Variants in SLC10A7 observed in about 807,000 individuals in gnomAD.
SLC10A7 encodes the protein sodium/bile acid cotransporter 7.
In SLC10A7, 29 loss-of-function variants were observed where a neutral mutation model predicts 43.2. The observed-to-expected ratio is 0.67, with a 90% CI of 0.50 to 0.92. SLC10A7 has a LOEUF of 0.92. Among genes scored for constraint, SLC10A7 ranks in the 40% least tolerant of loss-of-function variants. SLC10A7 has a pLI of 0.00. For synonymous variants in SLC10A7, 152 were observed against 144.8 expected (o/e 1.05, Z -0.35); for missense variants, 295 against 403.2 (o/e 0.73, Z 2.30).
At chr4:146,448,311 G>A (rs1334868177) in intron 4 of SLC10A7, among the ~76,000 whole-genome samples, 2 of 152,090 alleles carry the variant, frequency 1.3e-5, no homozygotes, top group Non-Finnish European at 2.9e-5. Flanking sequence ...TTTCATTGCT[G>A]AAAGGCTCTA....
chr4:146,475,972 A>G (rs1404576706), intron 4 of SLC10A7, among the ~76,000 whole-genome samples: 1 of 152,204 alleles, frequency 6.6e-6, no homozygotes, highest in Non-Finnish European at 1.5e-5. Context: ...TTAAGCTGCT[A>G]AAGGTGTTTT....
intron 4 of SLC10A7, among the ~76,000 whole-genome samples, chr4:146,479,022 T>C (rs1207420356): frequency 6.6e-6 from 1 of 152,194 alleles, no homozygotes; most frequent in Non-Finnish European, 1.5e-5. Flanking sequence ...ACAAATAGAA[T>C]ATAAGCCAAG....
chr4:146,303,309 C>T (rs112699712), intron 7 of SLC10A7, among the ~76,000 whole-genome samples: 9,611 of 152,124 alleles, frequency 0.063, 394 homozygotes, highest in South Asian at 0.17. Context: ...GAGTCTGTTG[C>T]CCAGAGAACC....
intron 5 of SLC10A7, among the ~76,000 whole-genome samples, chr4:146,402,097 A>T (rs1290319218): frequency 6.6e-6 from 1 of 152,188 alleles, no homozygotes; most frequent in East Asian, 1.9e-4. Flanking sequence ...AGAAACCAAG[A>T]TCCAGCATGC....
At chr4:146,357,190 T>C (rs1735718317) in intron 5 of SLC10A7, among the ~76,000 whole-genome samples, 1 of 152,236 alleles carries the variant, frequency 6.6e-6, no homozygotes, top group Admixed American at 6.5e-5. Flanking sequence ...TGTATATTTC[T>C]GTATGTGCAT....
intron 10 of SLC10A7, among the ~76,000 whole-genome samples, chr4:146,281,755 A>G (rs1729571500): frequency 1.3e-5 from 2 of 152,200 alleles, no homozygotes; most frequent in Admixed American, 1.3e-4. Context: ...AGGAGACTCG[A>G]ACCTTGGGAG....
At chr4:146,328,328 C>T (rs370663402) in intron 5 of SLC10A7, among the ~76,000 whole-genome samples, 1 of 152,186 alleles carries the variant, frequency 6.6e-6, no homozygotes, top group African/African-American at 2.4e-5. Context: ...TCCTTATCAC[C>T]ACTGGTGCTT....
intron 5 of SLC10A7, among the ~76,000 whole-genome samples, chr4:146,342,810 A>G (rs572311167): frequency 1.3e-5 from 2 of 151,992 alleles, no homozygotes; most frequent in East Asian, 3.9e-4. Flanking sequence ...GACCTTCCAG[A>G]TAAACTAACA....
intron 4 of SLC10A7, among the ~76,000 whole-genome samples, chr4:146,463,518 AT>A (rs1449455250): frequency 6.6e-6 from 1 of 152,028 alleles, no homozygotes; most frequent in African/African-American, 2.4e-5. Context: ...AGGTAGGAGG[AT>A]TTTTTGAGGC....
At chr4:146,362,653 TACAAC>T (rs1736127375) in intron 5 of SLC10A7, among the ~76,000 whole-genome samples, 1 of 135,482 alleles carries the variant, frequency 7.4e-6, no homozygotes, top group Non-Finnish European at 1.7e-5. Context: ...AAATAATAAC[TACAAC>T]AATTTGATAA....
At chr4:146,452,366 T>G (rs1056181627) in intron 4 of SLC10A7, among the ~76,000 whole-genome samples, 3 of 152,084 alleles carry the variant, frequency 2.0e-5, no homozygotes, top group Non-Finnish European at 4.4e-5. Context: ...ATATTTATTT[T>G]CTCCCTAAGC....
intron 5 of SLC10A7, among the ~76,000 whole-genome samples, chr4:146,409,890 C>T (rs1216048935): frequency 1.3e-5 from 2 of 152,060 alleles, no homozygotes; most frequent in African/African-American, 4.8e-5. Context: ...TAAGTGATCA[C>T]AAAAAGTGAT....
chr4:146,479,396 C>G (rs1734275281), intron 4 of SLC10A7, among the ~76,000 whole-genome samples: 1 of 151,988 alleles, frequency 6.6e-6, no homozygotes, highest in African/African-American at 2.4e-5. Context: ...ATAATTAAAA[C>G]AGATGAAAAT....
chr4:146,416,501 G>A (rs768487950), intron 5 of SLC10A7, among the ~76,000 whole-genome samples: 1 of 152,184 alleles, frequency 6.6e-6, no homozygotes, highest in Admixed American at 6.5e-5. Flanking sequence ...GGATATCAAT[G>A]AGCCTCAGCC....
At chr4:146,428,501 A>G (rs1357842924) in intron 5 of SLC10A7, among the ~76,000 whole-genome samples, 1 of 151,918 alleles carries the variant, frequency 6.6e-6, no homozygotes, top group African/African-American at 2.4e-5. Context: ...CTGCTGTCAT[A>G]TGATATTGCA....
At chr4:146,271,366 C>CT (rs1728881828) in intron 10 of SLC10A7, among the ~76,000 whole-genome samples, 1 of 152,206 alleles carries the variant, frequency 6.6e-6, no homozygotes, top group Non-Finnish European at 1.5e-5. Context: ...GAATTCCTTT[C>CT]TTTTACCTAC....
At chr4:146,337,970 A>C (rs1188652012) in intron 5 of SLC10A7, among the ~76,000 whole-genome samples, 1 of 152,048 alleles carries the variant, frequency 6.6e-6, no homozygotes, top group Non-Finnish European at 1.5e-5. Flanking sequence ...AAAATAAGGC[A>C]CTAAGTAACT....
chr4:146,378,120 G>T (rs918993012), intron 5 of SLC10A7, among the ~76,000 whole-genome samples: 1 of 152,172 alleles, frequency 6.6e-6, no homozygotes. Context: ...TTTGGATGCA[G>T]TTCTTTCAGA....
Position 146,504,065 on chromosome 4 carries a change from A to G in SLC10A7, c.321-141T>C. Reference sequence around the variant, plus strand: ...TGCACATCCCCTGTTGAATTTAGACAAGTCTACACAAGGCAACGTGGCTTA... The same window carrying G: ...TGCACATCCCCTGTTGAATTTAGACGAGTCTACACAAGGCAACGTGGCTTA... On this transcript the variant is annotated intron_variant, in intron 3 of 11. Coordinates refer to ENST00000335472, the MANE Select transcript of SLC10A7 (RefSeq NM_001029998.6). The G allele has an allele frequency of 5.5e-6, 4 of 729,604 alleles. No homozygotes were observed. In the South Asian group the frequency reaches 6.9e-5, roughly 13 times the overall value. The allele number at this position is 729,604 out of a possible 1,614,324, so 45.2% of individuals were successfully genotyped here.
Sources: allele counts gnomAD v4.1 joint callset (sites outside exome capture counted in the v4.1 genomes callset), GRCh38; gene constraint gnomAD v4.1.1; transcripts MANE v1.5; gene names NCBI Gene and HGNC (gene_info 2026-07-23, HGNC 2026-07-21).